Variants in DENND5B observed in about 807,000 individuals in gnomAD.
DENND5B encodes the protein DENN domain containing 5B.
DENND5B carries 34 observed loss-of-function variants against 140.6 expected under a neutral mutation model. The ratio of observed to expected loss-of-function variants is 0.24; its 90% CI spans 0.18 to 0.32. DENND5B has a LOEUF of 0.32. Ranked by LOEUF, DENND5B falls within the 10% of genes least tolerant of loss-of-function variation. The pLI, the probability that DENND5B is intolerant of heterozygous loss-of-function variation, is 1.00. For missense variants in DENND5B, 1,142 were observed against 1,560.2 expected (o/e 0.73, Z 4.52); for synonymous variants, 551 against 562.1 (o/e 0.98, Z 0.28).
At chr12:31,568,732 T>C (rs946659123) in intron 1 of DENND5B, among the ~76,000 whole-genome samples, 1 of 152,138 alleles carries the variant, frequency 6.6e-6, no homozygotes, top group Non-Finnish European at 1.5e-5. Context: ...CACGTTCAAA[T>C]TACACCCTGA....
chr12:31,405,931 C>T (rs1412796696), intron 14 of DENND5B, among the ~76,000 whole-genome samples: 3 of 151,238 alleles, frequency 2.0e-5, no homozygotes, highest in Non-Finnish European at 4.4e-5. Flanking sequence ...CTGCAACCTC[C>T]GCCTCCCGGG....
At chr12:31,548,273 T>C (rs757013991) in intron 1 of DENND5B, among the ~76,000 whole-genome samples, 53 of 151,718 alleles carry the variant, frequency 3.5e-4, no homozygotes, top group Non-Finnish European at 6.5e-4. Context: ...CATATACCTA[T>C]AGCCCCAGCT....
chr12:31,402,734 T>C (rs572556164), intron 14 of DENND5B, 91 bp from the exon 15 acceptor site: 16 of 1,433,126 alleles, frequency 1.1e-5, no homozygotes, highest in Non-Finnish European at 1.5e-5. Flanking sequence ...TGGTTTTCAT[T>C]GATAATTTGC....
intron 1 of DENND5B, chr12:31,500,675 CACAAA>C (rs1946969485): frequency 2.7e-5 from 1 of 37,234 alleles, no homozygotes; most frequent in Non-Finnish European, 4.3e-5. Context: ...GTGAGACTGT[CACAAA>C]AAAAAAAAAA....
intron 7 of DENND5B, among the ~76,000 whole-genome samples, chr12:31,435,600 T>TG (rs1452470745): frequency 6.6e-6 from 1 of 152,214 alleles, no homozygotes; most frequent in Non-Finnish European, 1.5e-5. Context: ...TATTTACGTT[T>TG]GGATCTTCAG....
chr12:31,558,198 T>C lies in DENND5B; in HGVS notation c.127+32508A>G, dbSNP rs147052469. On this transcript the variant is annotated intron_variant, in intron 1 of 20. Transcript: ENST00000389082. Reference sequence around the variant, plus strand: ...GTGTATCAAAGACCAGACAGTTTTATTGTTCTTTTCAGCAATTCCTCATAG... The same window carrying C: ...GTGTATCAAAGACCAGACAGTTTTACTGTTCTTTTCAGCAATTCCTCATAG... Among the ~76,000 whole-genome samples, 60 of 152,316 alleles carry C rather than the reference T, an allele frequency of 3.9e-4. 1 individual carries two copies. The highest frequency in any genetic ancestry group is 1.5e-3 in the East Asian group (8 of 5,188).
At chr12:31,541,847 T>C (rs1302325313) in intron 1 of DENND5B, among the ~76,000 whole-genome samples, 2 of 152,176 alleles carry the variant, frequency 1.3e-5, no homozygotes, top group Non-Finnish European at 2.9e-5. Flanking sequence ...TACTTATACA[T>C]AATGGAGCAC....
rs1313687077 is a variant in DENND5B at position 31,460,292 on chromosome 12, C to T, written c.994G>A (p.Ala332Thr). The T allele has an allele frequency of 6.2e-7, 1 of 1,613,850 alleles. No homozygotes were observed. The highest frequency in any genetic ancestry group is 8.5e-7 in the Non-Finnish European group (1 of 1,179,870). The change falls in exon 4 of 21, where the codon GCT (alanine) becomes ACT (threonine). Residue 332 changes from alanine to threonine, a missense_variant. Coordinates refer to ENST00000389082, the MANE Select transcript of DENND5B (RefSeq NM_144973.4). ...GCATCAAGAAAATGTAGCAGAGAAG[C>T]AGGTAGAATGGGCACATAAACATGT... ...WQHVYVPILP[A>T]SLLHFLDAPV... is the part of the protein sequence containing the mutation.
intron 1 of DENND5B, among the ~76,000 whole-genome samples, chr12:31,527,881 G>T (rs975375607): frequency 6.6e-6 from 1 of 152,174 alleles, no homozygotes; most frequent in Admixed American, 6.5e-5. Context: ...ATCTAATTAT[G>T]AGGAAACAAT....
At chr12:31,448,296 G>C (rs752734904) in intron 5 of DENND5B, among the ~76,000 whole-genome samples, 1 of 151,980 alleles carries the variant, frequency 6.6e-6, no homozygotes, top group Non-Finnish European at 1.5e-5. Context: ...CACCACGCCC[G>C]GCTAATTTTT....
At chr12:31,589,289 A>G (rs976095867) in intron 1 of DENND5B, among the ~76,000 whole-genome samples, 1 of 152,212 alleles carries the variant, frequency 6.6e-6, no homozygotes, top group Non-Finnish European at 1.5e-5. Flanking sequence ...ATCCTTTAAC[A>G]AAGCCATTCT....
chr12:31,396,235 A>G (rs1375964644), intron 17 of DENND5B, among the ~76,000 whole-genome samples: 2 of 151,728 alleles, frequency 1.3e-5, no homozygotes, highest in Non-Finnish European at 2.9e-5. Context: ...ATGCCCAGCT[A>G]ATTTTTGTAT....
intron 1 of DENND5B, among the ~76,000 whole-genome samples, chr12:31,543,394 A>G (rs1328515779): frequency 6.6e-6 from 1 of 152,234 alleles, no homozygotes; most frequent in Non-Finnish European, 1.5e-5. Flanking sequence ...TTTTTATAAA[A>G]GTAATTTATG....
intron 3 of DENND5B, among the ~76,000 whole-genome samples, chr12:31,463,305 A>G (rs1945107568): frequency 6.6e-6 from 1 of 151,484 alleles, no homozygotes; most frequent in Non-Finnish European, 1.5e-5. Flanking sequence ...AACAACAACA[A>G]AAACTCACCA....
chr12:31,549,696 C>G (rs1397278141), intron 1 of DENND5B, among the ~76,000 whole-genome samples: 1 of 152,232 alleles, frequency 6.6e-6, no homozygotes, highest in South Asian at 2.1e-4. Flanking sequence ...ATGCTCTCTT[C>G]CCCCATCCCA....
chr12:31,450,258 C>G (rs1259512311), intron 5 of DENND5B, among the ~76,000 whole-genome samples: 1 of 152,196 alleles, frequency 6.6e-6, no homozygotes, highest in Non-Finnish European at 1.5e-5. Flanking sequence ...CATGTTAGAA[C>G]ATTACCTGTC....
At chr12:31,450,358 A>T (rs934650015) in intron 5 of DENND5B, among the ~76,000 whole-genome samples, 2 of 50,896 alleles carry the variant, frequency 3.9e-5, no homozygotes, top group Admixed American at 6.2e-4. Flanking sequence ...TGAAGTAAAA[A>T]AATTATCTTT....
chr12:31,443,044 T>TTC (rs1555147697), intron 6 of DENND5B, 119 bp from the exon 7 acceptor site: 1 of 494,264 alleles, frequency 2.0e-6, no homozygotes. Flanking sequence ...GAAACAGATA[T>TTC]TGTGTGTGTG....
At chr12:31,567,525 TAA>T (rs35048750) in intron 1 of DENND5B, among the ~76,000 whole-genome samples, 9 of 91,746 alleles carry the variant, frequency 9.8e-5, no homozygotes, top group African/African-American at 3.1e-4. Context: ...AGACTCTGTC[TAA>T]AAAAAAAAAA....
Sources: gnomAD v4.1 joint callset for allele counts (sites outside exome capture counted in the v4.1 genomes callset) on GRCh38, gnomAD v4.1.1 for gene constraint, MANE v1.5 for transcripts, NCBI Gene and HGNC (gene_info 2026-07-23, HGNC 2026-07-21) for gene names.